The following TNFSF4 variants were observed in gnomAD, a reference collection of about 807,000 sequenced individuals.
The protein encoded by TNFSF4 is tumor necrosis factor ligand superfamily member 4.
TNFSF4 carries 4 observed loss-of-function variants against 7.3 expected under a neutral mutation model. The observed-to-expected ratio is 0.55, with a 90% CI of 0.27 to 1.25. The LOEUF (loss-of-function observed/expected upper bound fraction) is 1.25. Among genes scored for constraint, TNFSF4 ranks in the 50% most tolerant of loss-of-function variants. The probability of loss-of-function intolerance (pLI) is 0.12; values close to 1 mark genes in which losing one functional copy is unlikely to be tolerated. For missense variants in TNFSF4, 181 were observed against 208.8 expected (o/e 0.87, Z 0.82); for synonymous variants, 76 against 83.7 (o/e 0.91, Z 0.50).
At chr1:173,188,662 A>C in intron 1 of TNFSF4, 93 bp from the exon 2 acceptor site, 1 of 1,025,336 alleles carries the variant, frequency 9.8e-7, no homozygotes, top group East Asian at 2.4e-5. Flanking sequence ...GCAGAAATGC[A>C]GTAGCCTGTA....
the TNFSF4 span, among the ~76,000 whole-genome samples, chr1:173,415,022 C>T: frequency 6.6e-6 from 1 of 152,220 alleles, no homozygotes; most frequent in Non-Finnish European, 1.5e-5. Flanking sequence ...TCTTCCTCCA[C>T]CTAATCAAGT....
chr1:173,319,157 G>A, the TNFSF4 span, among the ~76,000 whole-genome samples: 1 of 152,198 alleles, frequency 6.6e-6, no homozygotes, highest in Non-Finnish European at 1.5e-5. Context: ...GCTTGGTGGG[G>A]TGAGGGGTAC....
intron 1 of TNFSF4, chr1:173,205,250 G>A (rs12730413): frequency 0.049 from 79,032 of 1,597,608 alleles, 2,290 homozygotes; most frequent in Non-Finnish European, 0.06. Context: ...TACCACCTAT[G>A]TCTTGCTTCC....
At chr1:173,179,447 T>C (rs903184497), downstream of TNFSF4, among the ~76,000 whole-genome samples, 1 of 152,200 alleles carries the variant, frequency 6.6e-6, no homozygotes, top group African/African-American at 2.4e-5. Context: ...ACTTCTAGCT[T>C]GGCTAACTTG....
At chr1:173,229,761 A>G in the TNFSF4 span, among the ~76,000 whole-genome samples, 1 of 152,186 alleles carries the variant, frequency 6.6e-6, no homozygotes, top group Non-Finnish European at 1.5e-5. Flanking sequence ...ATGGAAAACA[A>G]AAAAAGGCAG....
chr1:173,277,115 T>C, the TNFSF4 span, among the ~76,000 whole-genome samples: 1 of 152,238 alleles, frequency 6.6e-6, no homozygotes, highest in South Asian at 2.1e-4. Flanking sequence ...AGGGTGAAAC[T>C]CTGCCAGTAG....
the TNFSF4 span, among the ~76,000 whole-genome samples, chr1:173,344,254 C>T: frequency 3.9e-5 from 6 of 152,178 alleles, no homozygotes; most frequent in African/African-American, 1.4e-4. Context: ...TATTGTACAG[C>T]AGTAAATAGC....
chr1:173,205,865 C>G (rs1650165883), intron 1 of TNFSF4: 1 of 153,838 alleles, frequency 6.5e-6, no homozygotes, highest in African/African-American at 2.4e-5. Context: ...TGTTGTTGTG[C>G]TCACTGTTCT....
In TNFSF4 at chr1:173,185,468, A is replaced by G. The variant is rs186403984; in HGVS notation, c.*1048T>C. On this transcript the variant is annotated 3_prime_UTR_variant, in exon 3 of 3. Transcript: ENST00000281834. ...TTCTAGACAGAGATCATTATTTTTC[A>G]TAAGGCACAATAACTTCTTAGTGCT... 1 of 152,326 alleles carries G rather than the reference A, an allele frequency of 6.6e-6. No homozygotes were observed. Among genetic ancestry groups the G allele is most frequent in the Admixed American group, 6.5e-5 (1 of 15,292 alleles). The allele number at this position is 152,326 out of a possible 1,614,324, so 9.4% of individuals were successfully genotyped here.
At chr1:173,272,274 C>T in the TNFSF4 span, among the ~76,000 whole-genome samples, 1 of 152,064 alleles carries the variant, frequency 6.6e-6, no homozygotes, top group Non-Finnish European at 1.5e-5. Context: ...AGCACACCAA[C>T]ATGGCACATG....
the TNFSF4 span, among the ~76,000 whole-genome samples, chr1:173,416,608 T>TTATTTATTTATTTATTTA: frequency 6.6e-5 from 8 of 121,984 alleles, no homozygotes; most frequent in South Asian, 2.4e-3. Context: ...ATTTTTTTAT[T>TTATTTATTTATTTATTTA]TTTATTTATT....
chr1:173,316,088 T>C, the TNFSF4 span, among the ~76,000 whole-genome samples: 1 of 152,282 alleles, frequency 6.6e-6, no homozygotes, highest in South Asian at 2.1e-4. Context: ...AAAAGTCCAA[T>C]TTCATTCTTT....
At chr1:173,252,385 A>G in the TNFSF4 span, among the ~76,000 whole-genome samples, 1 of 152,158 alleles carries the variant, frequency 6.6e-6, no homozygotes, top group Non-Finnish European at 1.5e-5. Flanking sequence ...CTAATCAGAG[A>G]TGTGAAGCTC....
upstream of TNFSF4, among the ~76,000 whole-genome samples, chr1:173,209,329 C>A (rs533128082): frequency 5.9e-5 from 9 of 152,276 alleles, no homozygotes; most frequent in African/African-American, 1.9e-4. Context: ...CATCACTGGG[C>A]TAGTCTAGCA....
the TNFSF4 span, among the ~76,000 whole-genome samples, chr1:173,373,900 G>A: frequency 6.6e-6 from 1 of 152,212 alleles, no homozygotes; most frequent in African/African-American, 2.4e-5. Context: ...AGATTATAAA[G>A]TGACAATGGT....
At chr1:173,421,151 A>G in the TNFSF4 span, among the ~76,000 whole-genome samples, 7 of 152,242 alleles carry the variant, frequency 4.6e-5, no homozygotes, top group Non-Finnish European at 7.3e-5. Flanking sequence ...CCGCACAGTT[A>G]AATTTGAATT....
At chr1:173,188,092 C>A (rs1037499153) in intron 2 of TNFSF4, among the ~76,000 whole-genome samples, 1 of 152,178 alleles carries the variant, frequency 6.6e-6, no homozygotes, top group African/African-American at 2.4e-5. Context: ...TCTCTGGAGT[C>A]GAAGTTTTTA....
At chr1:173,395,391 T>TAC in the TNFSF4 span, among the ~76,000 whole-genome samples, 2 of 91,856 alleles carry the variant, frequency 2.2e-5, no homozygotes, top group African/African-American at 6.0e-5. Flanking sequence ...TATATATATA[T>TAC]ATATATATAT....
the TNFSF4 span, among the ~76,000 whole-genome samples, chr1:173,275,735 A>C: frequency 6.6e-6 from 1 of 152,154 alleles, no homozygotes; most frequent in Non-Finnish European, 1.5e-5. Flanking sequence ...CAATGTTTAG[A>C]GTTTCCCCAC....
Sources: gnomAD v4.1 joint callset for allele counts (sites outside exome capture counted in the v4.1 genomes callset) on GRCh38, gnomAD v4.1.1 for gene constraint, MANE v1.5 for transcripts, NCBI Gene and HGNC (gene_info 2026-07-23, HGNC 2026-07-21) for gene names.